Variants in POLA1 observed in about 807,000 individuals in gnomAD.
POLA1 encodes the protein DNA polymerase alpha 1, catalytic subunit, also known as DNA polymerase alpha catalytic subunit.
In POLA1, 15 loss-of-function variants were observed where a neutral mutation model predicts 124.0. The observed-to-expected ratio is 0.12, with a 90% CI of 0.08 to 0.19. The LOEUF is 0.19. Among genes scored for constraint, POLA1 ranks in the 10% least tolerant of loss-of-function variants. POLA1 has a pLI of 1.00. For synonymous variants in POLA1, 408 were observed against 389.4 expected (o/e 1.05, Z -0.56); for missense variants, 886 against 1,103.4 (o/e 0.80, Z 2.79).
chrX:24,980,095 G>A (rs2048405081), intron 36 of POLA1, among the ~76,000 whole-genome samples: 2 of 110,126 alleles, frequency 1.8e-5, no homozygotes, highest in African/African-American at 3.3e-5. Flanking sequence ...GGGAGATGGG[G>A]GAGAGAGAGA....
At chrX:24,847,556 A>G (rs1361382262) in intron 34 of POLA1, among the ~76,000 whole-genome samples, 1 of 112,151 alleles carries the variant, frequency 8.9e-6, no homozygotes, top group Non-Finnish European at 1.9e-5. Context: ...CAAAGAACAC[A>G]TGAACAGCTT....
At chrX:24,855,218 C>T (rs1476373145) in intron 34 of POLA1, among the ~76,000 whole-genome samples, 1 of 111,388 alleles carries the variant, frequency 9.0e-6, no homozygotes, top group Non-Finnish European at 1.9e-5. Flanking sequence ...TTCTGTTAGT[C>T]TAAGTGTTGT....
intron 34 of POLA1, among the ~76,000 whole-genome samples, chrX:24,880,348 C>T (rs901318604): frequency 8.9e-6 from 1 of 112,302 alleles, no homozygotes; most frequent in Admixed American, 9.4e-5. Context: ...AAGATTCTTA[C>T]ATTGACCGAT....
intron 1 of POLA1, 131 bp downstream of exon 1, chrX:24,694,135 T>C: frequency 1.5e-6 from 1 of 653,358 alleles, no homozygotes; most frequent in Non-Finnish European, 2.3e-6. Flanking sequence ...GCGGGGGCCC[T>C]TCTGGCGTCG....
At chrX:24,783,795 C>T (rs1388583443) in intron 26 of POLA1, among the ~76,000 whole-genome samples, 1 of 111,494 alleles carries the variant, frequency 9.0e-6, no homozygotes, top group Non-Finnish European at 1.9e-5. Flanking sequence ...AGTATGGTAG[C>T]CACTAGCCAC....
At chrX:24,743,071 G>A (rs1931771368) in intron 22 of POLA1, among the ~76,000 whole-genome samples, 159 bp from the exon 23 acceptor site, 2 of 112,112 alleles carry the variant, frequency 1.8e-5, no homozygotes, top group Non-Finnish European at 3.8e-5. Flanking sequence ...ATTTGGATTC[G>A]TGAACATATT....
chrX:24,734,044 G>A (rs749353915), intron 17 of POLA1: 1 of 246,539 alleles, frequency 4.1e-6, no homozygotes, highest in East Asian at 6.4e-5. Context: ...TACTGTATTG[G>A]TGGTTGGATA....
chrX:24,750,802 A>G (rs1932280821), intron 26 of POLA1, among the ~76,000 whole-genome samples: 1 of 110,794 alleles, frequency 9.0e-6, no homozygotes, highest in Non-Finnish European at 1.9e-5. Context: ...GTCATTTATG[A>G]CTCTGGTTCT....
chrX:24,953,414 C>A (rs2048070823), intron 36 of POLA1, among the ~76,000 whole-genome samples: 1 of 111,583 alleles, frequency 9.0e-6, no homozygotes, highest in Non-Finnish European at 1.9e-5. Flanking sequence ...TAGTAACAAC[C>A]CCTACAGAGA....
intron 36 of POLA1, among the ~76,000 whole-genome samples, chrX:24,936,697 A>ATTTGTT (rs2047852902): frequency 9.0e-6 from 1 of 111,135 alleles, no homozygotes; most frequent in African/African-American, 3.3e-5. Flanking sequence ...ACGCCCGGCT[A>ATTTGTT]ATTTTTTGTG....
intron 26 of POLA1, among the ~76,000 whole-genome samples, chrX:24,808,838 T>C (rs1477412779): frequency 8.9e-6 from 1 of 111,779 alleles, no homozygotes; most frequent in Non-Finnish European, 1.9e-5. Flanking sequence ...AGGAGGACTA[T>C]TGAAGTAGGA....
At chrX:24,786,681 ATTTTTTTTTTTTT>A (rs1205219554) in intron 26 of POLA1, among the ~76,000 whole-genome samples, 1 of 63,153 alleles carries the variant, frequency 1.6e-5, no homozygotes, top group Admixed American at 1.8e-4. Flanking sequence ...GGCTTGGCTA[ATTTTTTTTTTTTT>A]TTTTTTTTTT....
intron 35 of POLA1, among the ~76,000 whole-genome samples, chrX:24,927,506 T>C (rs2047713072): frequency 9.0e-6 from 1 of 111,653 alleles, no homozygotes; most frequent in South Asian, 3.8e-4. Context: ...CCCACCCTTA[T>C]TACTCTGGTA....
intron 36 of POLA1, among the ~76,000 whole-genome samples, chrX:24,972,216 C>G (rs1601921300): frequency 8.9e-6 from 1 of 111,893 alleles, no homozygotes; most frequent in Admixed American, 9.5e-5. Context: ...GGTGATCCAC[C>G]CTCCTTGGCC....
At chrX:24,974,899 C>G (rs2048348142) in intron 36 of POLA1, among the ~76,000 whole-genome samples, 1 of 112,411 alleles carries the variant, frequency 8.9e-6, no homozygotes, top group African/African-American at 3.2e-5. Context: ...GGCCACTGTG[C>G]CAGTGCTGAC....
At chrX:24,980,503 G>A (rs896336947) in intron 36 of POLA1, among the ~76,000 whole-genome samples, 1 of 112,134 alleles carries the variant, frequency 8.9e-6, no homozygotes, top group Non-Finnish European at 1.9e-5. Flanking sequence ...TGTGTAATGT[G>A]CAGTAGTTAC....
intron 36 of POLA1, among the ~76,000 whole-genome samples, chrX:24,958,221 A>G (rs2048129867): frequency 8.9e-6 from 1 of 111,769 alleles, no homozygotes; most frequent in Non-Finnish European, 1.9e-5. Context: ...TGACTATTTT[A>G]AAACTTAACA....
intron 36 of POLA1, among the ~76,000 whole-genome samples, chrX:24,934,126 G>T (rs900849255): frequency 2.7e-5 from 3 of 111,969 alleles, no homozygotes; most frequent in Non-Finnish European, 5.6e-5. Context: ...ATCCCGTGGT[G>T]CCTTGGCCTG....
rs191168174 is a variant in POLA1, at chrX:24,806,270, A to G, written c.2965-3628A>G. Among the ~76,000 whole-genome samples the G allele has an allele frequency of 8.4e-5, 9 of 107,647 alleles. No individual in the cohort carries two copies. In the East Asian group the frequency reaches 2.0e-3, roughly 24 times the overall value. 93.5% of individuals were successfully genotyped at this position (107,647 alleles called of 115,157 possible). On this transcript the variant is annotated intron_variant, in intron 26 of 36. Coordinates refer to ENST00000379068, the MANE Select transcript of POLA1 (RefSeq NM_001330360.2). ...ATTATTCACTTAGCATTCTATAAAT[A>G]TTTATTAACAGCTCCCATGTACCAG...
Sources: allele counts gnomAD v4.1 joint callset (sites outside exome capture counted in the v4.1 genomes callset), GRCh38; gene constraint gnomAD v4.1.1; transcripts MANE v1.5; gene names NCBI Gene and HGNC (gene_info 2026-07-23, HGNC 2026-07-21).